AOX1: variants seen among roughly 807,000 people sequenced by gnomAD.
AOX1 encodes the protein aldehyde oxidase.
Under a neutral mutation model 169.5 loss-of-function variants are expected in AOX1, and 153 were observed. The ratio of observed to expected loss-of-function variants is 0.90; its 90% CI spans 0.79 to 1.03. The LOEUF is 1.03. AOX1 is among the 50% of genes least tolerant of loss of function. The probability of loss-of-function intolerance (pLI) is 0.00; values close to 1 mark genes in which losing one functional copy is unlikely to be tolerated. For synonymous variants in AOX1, 562 were observed against 581.9 expected, an observed-to-expected ratio of 0.97 and a Z score of 0.49; for missense variants, 1,656 against 1,663.9, an observed-to-expected ratio of 1.00 and a Z score of 0.08.
At chr2:200,608,951 G>A (rs2470902) in intron 10 of AOX1, 33 bp from the exon 11 acceptor site, 1,230,856 of 1,598,954 alleles carry the variant, frequency 0.77, 475,466 homozygotes, top group East Asian at 0.82. Flanking sequence ...AGCAGTGATC[G>A]CACTGTGTTA....
At chr2:200,609,860 C>T (rs1355530148) in intron 12 of AOX1, among the ~76,000 whole-genome samples, 1 of 152,122 alleles carries the variant, frequency 6.6e-6, no homozygotes, top group Non-Finnish European at 1.5e-5. Context: ...ATGATTGGGC[C>T]TCATTCTATA....
intron 26 of AOX1, among the ~76,000 whole-genome samples, chr2:200,654,745 C>T (rs780823298): frequency 3.9e-5 from 6 of 152,216 alleles, no homozygotes; most frequent in Admixed American, 6.5e-5. Context: ...TAAATTTCCC[C>T]GACTAGGTCC....
At chr2:200,603,237 A>T in intron 6 of AOX1, 30 bp from the exon 7 acceptor site, 1 of 1,573,632 alleles carries the variant, frequency 6.4e-7, no homozygotes, top group Non-Finnish European at 8.7e-7. Context: ...TCAGCAATAA[A>T]TTCCTAGTGA....
At chr2:200,643,186 CTTT>C (rs35539595) in intron 25 of AOX1, among the ~76,000 whole-genome samples, 13 of 132,144 alleles carry the variant, frequency 9.8e-5, no homozygotes, top group African/African-American at 3.6e-4. Flanking sequence ...CCTTTTGGTT[CTTT>C]TTTTTTTTTT....
intron 30 of AOX1, 116 bp downstream of exon 30, chr2:200,661,747 G>A: frequency 1.3e-6 from 1 of 755,376 alleles, no homozygotes; most frequent in Non-Finnish European, 2.3e-6. Context: ...TTTACCCATG[G>A]TTATAAAGAA....
Position 200,634,922 on chromosome 2 carries a change from T to A in AOX1, c.2346+7T>A. On this transcript the variant is annotated splice_region_variant and intron_variant, in intron 21 of 34. Coordinates refer to ENST00000374700, the MANE Select transcript of AOX1 (RefSeq NM_001159.4). ...GTTTCCCAAATATATACAGGTAACA[T>A]GGGGCCATTGTGGAGAGGACATGGC... 1 of 1,613,726 alleles carries A rather than the reference T, an allele frequency of 6.2e-7. No homozygotes were observed. The highest frequency in any genetic ancestry group is 8.5e-7 in the Non-Finnish European group (1 of 1,179,814).
chr2:200,679,380 A>C (rs1290625581), downstream of AOX1: 1 of 152,114 alleles, frequency 6.6e-6, no homozygotes, highest in East Asian at 1.9e-4. Flanking sequence ...TCACCACCAG[A>C]GAAGGTGTAG....
rs2035921674 is a variant in AOX1, at chr2:200,666,206, C to T, written c.3544-481C>T. On this transcript the variant is annotated intron_variant, in intron 31 of 34. Transcript: ENST00000374700. ...TGCTACAAAAATGAAAAGTCTAGAA[C>T]AGCAGATGACAATTTGAAGACTTTT... is the stretch of plus-strand genomic sequence containing the variant. Among the ~76,000 whole-genome samples, 3 of 152,210 alleles carry T rather than the reference C, an allele frequency of 2.0e-5. No homozygotes were observed. In the South Asian group the frequency reaches 6.2e-4, roughly 32 times the overall value.
intron 27 of AOX1, among the ~76,000 whole-genome samples, chr2:200,657,191 T>TA (rs1491522418): frequency 0.13 from 5,668 of 44,640 alleles, 192 homozygotes; most frequent in Non-Finnish European, 0.19. Flanking sequence ...TATATATATA[T>TA]TTTTTTTTTT....
At chr2:200,656,739 G>A (rs2035693609) in intron 26 of AOX1, 103 bp from the exon 27 acceptor site, 8 of 843,750 alleles carry the variant, frequency 9.5e-6, no homozygotes, top group Non-Finnish European at 1.2e-5. Flanking sequence ...TGGGGGGTGC[G>A]GGATTCTTGG....
intron 7 of AOX1, 133 bp downstream of exon 7, chr2:200,603,489 A>C (rs2034454996): frequency 1.6e-6 from 1 of 612,152 alleles, no homozygotes; most frequent in East Asian, 2.9e-5. Flanking sequence ...TCCCATTCTC[A>C]CTCCATCTCT....
chr2:200,673,834 GT>G (rs1359866882), downstream of AOX1, among the ~76,000 whole-genome samples: 1 of 152,136 alleles, frequency 6.6e-6, no homozygotes, highest in Non-Finnish European at 1.5e-5. Context: ...TCCTGTCTGG[GT>G]TTCCTGTTGT....
At chr2:200,639,736 A>T (rs2035313522) in intron 23 of AOX1, among the ~76,000 whole-genome samples, 1 of 152,166 alleles carries the variant, frequency 6.6e-6, no homozygotes, top group Non-Finnish European at 1.5e-5. Context: ...GGTAAAAGAT[A>T]GGTCTTCAAG....
At chr2:200,608,325 C>A (rs1285306969) in intron 10 of AOX1, among the ~76,000 whole-genome samples, 1 of 152,156 alleles carries the variant, frequency 6.6e-6, no homozygotes, top group Non-Finnish European at 1.5e-5. Flanking sequence ...GGATACGGTG[C>A]TAAGTGCTGG....
At chr2:200,651,805 G>T (rs2035585570) in intron 26 of AOX1, among the ~76,000 whole-genome samples, 1 of 152,076 alleles carries the variant, frequency 6.6e-6, no homozygotes, top group South Asian at 2.1e-4. Flanking sequence ...CCCCTTGCTT[G>T]GTTGCAGTTT....
intron 10 of AOX1, among the ~76,000 whole-genome samples, chr2:200,608,714 C>T (rs1486312592): frequency 7.9e-6 from 1 of 126,514 alleles, no homozygotes; most frequent in Admixed American, 8.2e-5. Flanking sequence ...ACTTACATCA[C>T]TACCACCACC....
chr2:200,586,121 T>A lies in AOX1; in HGVS notation c.13T>A (p.Ser5Thr). 1 of 1,563,328 alleles carries A rather than the reference T, an allele frequency of 6.4e-7. No homozygotes were observed. The highest frequency in any genetic ancestry group is 8.7e-7 in the Non-Finnish European group (1 of 1,155,032). Reference protein sequence around the residue: MDRASELLFYVNGRK... With the variant: MDRATELLFYVNGRK... ...CGCGGACACCACAATGGACCGGGCG[T>A]CCGAGCTGCTCTTCTACGTGAACGG... The change falls in exon 1 of 35, where the codon TCC becomes ACC. Residue 5 changes from serine (S) to threonine (T), a missense_variant. Transcript: ENST00000374700.
chr2:200,605,928 G>A (rs921267778), intron 10 of AOX1, among the ~76,000 whole-genome samples: 1 of 152,142 alleles, frequency 6.6e-6, no homozygotes, highest in Non-Finnish European at 1.5e-5. Flanking sequence ...CTCGCATTCT[G>A]TAGGTTGCCT....
At chr2:200,608,928 A>T in intron 10 of AOX1, 56 bp from the exon 11 acceptor site, 4 of 1,524,220 alleles carry the variant, frequency 2.6e-6, no homozygotes, top group Non-Finnish European at 3.6e-6. Context: ...GGTCTAATGG[A>T]CATTTTCAGA....
Sources: allele counts gnomAD v4.1 joint callset (sites outside exome capture counted in the v4.1 genomes callset), GRCh38; gene constraint gnomAD v4.1.1; transcripts MANE v1.5; gene names NCBI Gene and HGNC (gene_info 2026-07-23, HGNC 2026-07-21).